The following CLSTN1 variants were observed in gnomAD, a reference collection of about 807,000 sequenced individuals.
CLSTN1 encodes calsyntenin-1.
In CLSTN1, 28 loss-of-function variants were observed where a neutral mutation model predicts 108.3. The observed-to-expected ratio is 0.26, with a 90% CI of 0.19 to 0.35. The LOEUF (loss-of-function observed/expected upper bound fraction) is 0.35. Ranked by LOEUF, CLSTN1 falls within the 10% of genes least tolerant of loss-of-function variation. The pLI, the probability that CLSTN1 is intolerant of heterozygous loss-of-function variation, is 1.00. For synonymous variants in CLSTN1, 524 were observed against 534.9 expected (o/e 0.98, Z 0.28); for missense variants, 1,157 against 1,302.6 (o/e 0.89, Z 1.72).
intron 10 of CLSTN1, among the ~76,000 whole-genome samples, chr1:9,739,847 C>T (rs1372995583): frequency 2.3e-5 from 3 of 129,424 alleles, no homozygotes; most frequent in Non-Finnish European, 3.2e-5. Flanking sequence ...GACGGAGTTT[C>T]GCTCTGTCAC....
intron 1 of CLSTN1, among the ~76,000 whole-genome samples, chr1:9,811,336 C>T (rs1217227450): frequency 6.6e-6 from 1 of 152,114 alleles, no homozygotes; most frequent in Admixed American, 6.6e-5. Context: ...GTTTAGAAGA[C>T]ATGTATTCGC....
At chr1:9,769,089 G>A (rs983819147) in intron 2 of CLSTN1, among the ~76,000 whole-genome samples, 1 of 148,314 alleles carries the variant, frequency 6.7e-6, no homozygotes, top group Admixed American at 6.7e-5. Flanking sequence ...AAAGGACAGA[G>A]GGAGGAAGCG....
At chr1:9,775,311 C>T (rs1652881867) in intron 1 of CLSTN1, among the ~76,000 whole-genome samples, 1 of 151,638 alleles carries the variant, frequency 6.6e-6, no homozygotes, top group African/African-American at 2.4e-5. Context: ...TCAAGTTCCT[C>T]GTTCGTAAAC....
intron 2 of CLSTN1, among the ~76,000 whole-genome samples, chr1:9,770,136 T>C (rs1652600108): frequency 1.3e-5 from 2 of 151,986 alleles, no homozygotes; most frequent in Admixed American, 1.3e-4. Flanking sequence ...CATGAAAATA[T>C]CCAAAAGGAA....
Position 9,755,307 on chromosome 1 carries a change from C to T in CLSTN1, c.247G>A (p.Glu83Lys). 6.2e-7 allele frequency: 1 copy of T among 1,609,000 alleles called. No individual in the cohort carries two copies. The highest frequency in any genetic ancestry group is 8.5e-7 in the Non-Finnish European group (1 of 1,175,902). Residue 83 changes from glutamate to lysine, a missense_variant and splice_region_variant, in exon 4 of 19, where the codon GAG becomes AAG. Glu to Lys is a moderately conservative substitution (Grantham distance 56). Transcript: ENST00000377298. The part of the protein sequence containing the change: ...SFEVTVTKEG[E>K]ICGFKIHGQN... Reference sequence around the variant, plus strand: ...CCGTGAATTTTAAATCCACAAATCTCACCTAGGGAGTCAAAGCAGAACAGG... The same window carrying T: ...CCGTGAATTTTAAATCCACAAATCTTACCTAGGGAGTCAAAGCAGAACAGG...
Position 9,781,336 on chromosome 1 carries a change from A to T in CLSTN1, c.92-7942T>A. Reference sequence around the variant, plus strand: ...AATGTACAATGATACTGAATGCAGCAGTGTAGAAAAATTTTCCTTTTTAAA... The same window carrying T: ...AATGTACAATGATACTGAATGCAGCTGTGTAGAAAAATTTTCCTTTTTAAA... On this transcript the variant is annotated intron_variant, in intron 1 of 18. Transcript: ENST00000377298. 3 of 539,282 alleles carry T rather than the reference A, an allele frequency of 5.6e-6. No individual in the cohort carries two copies. In the South Asian group the frequency reaches 8.5e-5, roughly 15 times the overall value. The allele number at this position is 539,282 out of a possible 1,614,324, so 33.4% of individuals were successfully genotyped here.
chr1:9,744,684 G>A, intron 7 of CLSTN1, 41 bp from the exon 8 acceptor site: 1 of 1,568,530 alleles, frequency 6.4e-7, no homozygotes, highest in African/African-American at 1.3e-5. Context: ...TGAGGAGCCA[G>A]AGGTCCCGCG....
rs572007265 is a variant in CLSTN1, at chr1:9,744,545, C to G, written c.1084G>C (p.Val362Leu). Residue 362 changes from valine (V) to leucine (L), a missense_variant, in exon 8 of 19, where the codon GTG (valine) becomes CTG (leucine). Val to Leu is a conservative substitution (Grantham distance 32). Transcript: ENST00000377298. ...GCCTGGGTGCCGTTGAACTCAAACA[C>G]CTGGTCGCTGTCGTGGCCATTGTCG... ...PTDNGHDSDQVFEFNGTQAVR... is the reference protein window; with the variant it reads ...PTDNGHDSDQLFEFNGTQAVR... 8.1e-6 allele frequency: 13 copies of G among 1,613,626 alleles called. No homozygotes were observed. In the South Asian group the frequency reaches 1.4e-4, roughly 18 times the overall value.
In CLSTN1 at chr1:9,742,355, T is replaced by C. The variant is rs116002182; in HGVS notation, c.1357-1099A>G. ...TATTAACTAACGTTTGAGGGGGTGA[T>C]AAAAATTTTCAGCAGTGAATAGGGG... On this transcript the variant is annotated intron_variant, in intron 9 of 18. Coordinates refer to ENST00000377298, the MANE Select transcript of CLSTN1 (RefSeq NM_001009566.3). 9.1e-3 allele frequency among the ~76,000 whole-genome samples: 1,384 copies of C among 152,172 alleles called. 27 individuals carry two copies. Among genetic ancestry groups the C allele is most frequent in the African/African-American group, 0.032 (1,318 of 41,522 alleles).
intron 10 of CLSTN1, 99 bp from the exon 11 acceptor site, chr1:9,737,653 C>T (rs1347565707): frequency 4.8e-6 from 5 of 1,040,546 alleles, no homozygotes; most frequent in East Asian, 4.8e-5. Context: ...AACTATAAAA[C>T]ATGAAGAGAA....
intron 3 of CLSTN1, among the ~76,000 whole-genome samples, chr1:9,755,737 T>C (rs1361677080): frequency 6.6e-6 from 1 of 151,810 alleles, no homozygotes; most frequent in East Asian, 1.9e-4. Context: ...AACGCAGTTA[T>C]GTGTTGAGAG....
chr1:9,733,614 G>A (rs1413280276), intron 15 of CLSTN1, 68 bp from the exon 16 acceptor site: 14 of 1,581,814 alleles, frequency 8.9e-6, no homozygotes, highest in African/African-American at 2.7e-5. Flanking sequence ...GGCTGCAGCC[G>A]TCAGCACAGG....
In CLSTN1 at chr1:9,819,010, G is replaced by A. The variant is rs200361649; in HGVS notation, c.91+4633C>T. Among the ~76,000 whole-genome samples, 25 of 151,202 alleles carry A rather than the reference G, an allele frequency of 1.7e-4. No individual in the cohort carries two copies. The East Asian group carries it at 4.5e-3, about 27-fold the overall frequency. ...GGGGTTTCACCGTGTTAGCCAGGAT[G>A]GTCTTGATCTCCTGACCTCGTGATC... On this transcript the variant is annotated intron_variant, in intron 1 of 18. Transcript: ENST00000377298.
chr1:9,739,977 T>C lies in CLSTN1; in HGVS notation c.1519+1117A>G, dbSNP rs181552347. 4.3e-3 allele frequency among the ~76,000 whole-genome samples: 656 copies of C among 152,082 alleles called. 11 individuals carry two copies. The highest frequency in any genetic ancestry group is 0.042 in the East Asian group (217 of 5,166). ...GACCACAGGCACCCGCCACCATGCC[T>C]GGCTAATTTTTTGTATTTTTAGTAG... On this transcript the variant is annotated intron_variant, in intron 10 of 18. Transcript: ENST00000377298.
rs1316648080 is a variant in CLSTN1, at chr1:9,734,800, TCA to T, written c.2110+146_2110+147del. 1 of 656,458 alleles carries T rather than the reference TCA, an allele frequency of 1.5e-6. No homozygotes were observed. The highest frequency in any genetic ancestry group is 2.7e-5 in the East Asian group (1 of 36,574). The allele number at this position is 656,458 out of a possible 1,614,324, so 40.7% of individuals were successfully genotyped here. On this transcript the variant is annotated intron_variant, in intron 14 of 18. Coordinates refer to ENST00000377298, the MANE Select transcript of CLSTN1 (RefSeq NM_001009566.3). This position sits in a 1 kb window ranked among gnomAD's most constrained non-coding sequence, Gnocchi z 4.8. ...ATCACCATGAGCTCCAGCTCACGGGTCAGATTCCAGAAGCACACCCGAGAGAA... is the reference window on the plus strand; with the variant it reads ...ATCACCATGAGCTCCAGCTCACGGGTGATTCCAGAAGCACACCCGAGAGAA...
upstream of CLSTN1, chr1:9,824,091 G>T (rs1367893497): frequency 6.8e-6 from 1 of 146,096 alleles, no homozygotes; most frequent in Non-Finnish European, 1.5e-5. The surrounding 1 kb of genome is among the most constrained non-coding windows in gnomAD (Gnocchi z 5.0). Context: ...GCGCGGGCCC[G>T]GGAGGGGCGG....
At chr1:9,794,214 T>A (rs1570501351) in intron 1 of CLSTN1, among the ~76,000 whole-genome samples, 1 of 151,530 alleles carries the variant, frequency 6.6e-6, no homozygotes, top group Admixed American at 6.7e-5. Context: ...AGTTTATACC[T>A]TGTCCAGAGA....
intron 1 of CLSTN1, among the ~76,000 whole-genome samples, chr1:9,801,497 A>G (rs536610111): frequency 2.0e-5 from 3 of 152,318 alleles, no homozygotes; most frequent in East Asian, 3.9e-4. Context: ...AATTACACCA[A>G]TTCTCTACAG....
At position 9,729,328 on chromosome 1, in the gene CLSTN1, T is replaced by C. The variant is rs1025562502; in HGVS notation, c.*1180A>G. 4 of 152,648 alleles carry C rather than the reference T, an allele frequency of 2.6e-5. No homozygotes were observed. Among genetic ancestry groups the C allele is most frequent in the African/African-American group, 9.7e-5 (4 of 41,436 alleles). The allele number at this position is 152,648 out of a possible 1,614,324, so 9.5% of individuals were successfully genotyped here. On this transcript the variant is annotated 3_prime_UTR_variant, in exon 19 of 19. Transcript: ENST00000377298. Reference sequence around the variant, plus strand: ...TAAGAGCAAAGTGCTATGTGGGTTTTAGACCATGACTGTTTGTTTGCTCTC... The same window carrying C: ...TAAGAGCAAAGTGCTATGTGGGTTTCAGACCATGACTGTTTGTTTGCTCTC...
Sources: allele counts gnomAD v4.1 joint callset (sites outside exome capture counted in the v4.1 genomes callset), GRCh38; gene constraint gnomAD v4.1.1; non-coding constraint Gnocchi (gnomAD v3.1); transcripts MANE v1.5; gene names NCBI Gene and HGNC (gene_info 2026-07-23, HGNC 2026-07-21).